The following RALGPS1 variants were observed in gnomAD, a reference collection of about 807,000 sequenced individuals.
RALGPS1 encodes the protein ras-specific guanine nucleotide-releasing factor RalGPS1.
Under a neutral mutation model 78.8 loss-of-function variants are expected in RALGPS1, and 19 were observed. The observed-to-expected ratio is 0.24, with a 90% CI of 0.17 to 0.35. RALGPS1 has a LOEUF of 0.35. RALGPS1 is among the 10% of genes least tolerant of loss of function. The pLI, the probability that RALGPS1 is intolerant of heterozygous loss-of-function variation, is 1.00. For synonymous variants in RALGPS1, 228 were observed against 256.3 expected (o/e 0.89, Z 1.06); for missense variants, 454 against 688.3 (o/e 0.66, Z 3.81).
chr9:127,074,786 CA>C (rs2050532351), intron 8 of RALGPS1, among the ~76,000 whole-genome samples: 1 of 152,228 alleles, frequency 6.6e-6, no homozygotes, highest in African/African-American at 2.4e-5. Flanking sequence ...GGACTGGGCC[CA>C]GATGGCCTGG....
At chr9:127,121,544 G>C (rs527317489) in intron 8 of RALGPS1, among the ~76,000 whole-genome samples, 6 of 152,364 alleles carry the variant, frequency 3.9e-5, no homozygotes, top group Admixed American at 1.3e-4. Context: ...ACATATCATA[G>C]AAGGAGAAGG....
chr9:126,934,718 C>G (rs913480834), intron 1 of RALGPS1, among the ~76,000 whole-genome samples: 1 of 152,036 alleles, frequency 6.6e-6, no homozygotes, highest in Non-Finnish European at 1.5e-5. Context: ...TTTTTGCTAC[C>G]CTGTCATGCT....
chr9:127,198,686 T>C (rs2061464411), intron 13 of RALGPS1, among the ~76,000 whole-genome samples: 1 of 152,202 alleles, frequency 6.6e-6, no homozygotes, highest in South Asian at 2.1e-4. Context: ...TGGCTTCACT[T>C]GGGCCAGAAG....
At chr9:127,178,592 T>C (rs1244684770) in intron 11 of RALGPS1, 47 of 676,648 alleles carry the variant, frequency 6.9e-5, no homozygotes, top group Non-Finnish European at 8.4e-5. Flanking sequence ...GGAAGCCTTC[T>C]CCCCACTATC....
At chr9:126,942,171 C>T (rs1240956878) in intron 1 of RALGPS1, among the ~76,000 whole-genome samples, 1 of 152,152 alleles carries the variant, frequency 6.6e-6, no homozygotes, top group African/African-American at 2.4e-5. Context: ...ACACCCTTTT[C>T]CCAGTTTATT....
At chr9:127,092,702 G>A (rs2052628494) in intron 8 of RALGPS1, among the ~76,000 whole-genome samples, 1 of 152,128 alleles carries the variant, frequency 6.6e-6, no homozygotes, top group South Asian at 2.1e-4. Flanking sequence ...GAATGCCTGA[G>A]GGTGAACCAG....
chr9:127,196,607 G>T lies in RALGPS1; in HGVS notation c.1171G>T (p.Ala391Ser), dbSNP rs2061359963. Residue 391 changes from alanine to serine, a missense_variant, in exon 13 of 19, where the codon GCT (alanine) becomes TCT (serine). Transcript: ENST00000259351. Reference sequence around the variant, plus strand: ...GGGCCTGGCTCTGACCTCCTCCTCTGCTGTCACCAATGGACTCTCCCTAGG... The same window carrying T: ...GGGCCTGGCTCTGACCTCCTCCTCTTCTGTCACCAATGGACTCTCCCTAGG... Reference protein sequence around the residue: ...RRGLALTSSSAVTNGLSLGSS... With the variant: ...RRGLALTSSSSVTNGLSLGSS... The T allele has an allele frequency of 9.9e-6, 16 of 1,609,576 alleles. No homozygotes were observed. Among genetic ancestry groups the T allele is most frequent in the Non-Finnish European group, 1.4e-5 (16 of 1,177,644 alleles).
At chr9:127,002,724 A>G (rs1213958995) in intron 4 of RALGPS1, among the ~76,000 whole-genome samples, 4 of 151,314 alleles carry the variant, frequency 2.6e-5, no homozygotes, top group Non-Finnish European at 5.9e-5. Flanking sequence ...GCGATAGTTT[A>G]CTGAGAATGA....
intron 18 of RALGPS1, chr9:127,216,831 T>A (rs2062609231): frequency 1.5e-6 from 2 of 1,356,816 alleles, no homozygotes; most frequent in Non-Finnish European, 1.9e-6. Flanking sequence ...ACCATGTGTG[T>A]CTGGGGTCCC....
chr9:126,950,093 T>G (rs1393932858), intron 1 of RALGPS1, among the ~76,000 whole-genome samples: 4 of 152,186 alleles, frequency 2.6e-5, no homozygotes, highest in African/African-American at 9.6e-5. Context: ...TTGCTTGTTT[T>G]TCTCAGGTTT....
intron 4 of RALGPS1, among the ~76,000 whole-genome samples, chr9:126,992,817 G>A (rs2133256093): frequency 6.6e-6 from 1 of 152,320 alleles, no homozygotes; most frequent in South Asian, 2.1e-4. Flanking sequence ...ATGCCTCTGT[G>A]AATAATGACA....
At chr9:127,140,467 C>A (rs1487276205) in intron 8 of RALGPS1, among the ~76,000 whole-genome samples, 1 of 152,228 alleles carries the variant, frequency 6.6e-6, no homozygotes, top group Non-Finnish European at 1.5e-5. Flanking sequence ...GAGACAGTGC[C>A]TTGGTGCCCA....
rs537205294 is a variant in RALGPS1, at chr9:127,199,139, G to C, written c.1247+73G>C. ...GCTGAGGGAGCCGAAGACAGGCCCC[G>C]GGCAGGGACGGGCCCTGCCCCACCC... On this transcript the variant is annotated intron_variant, in intron 14 of 18. Transcript: ENST00000259351. 1.1e-5 allele frequency: 16 copies of C among 1,406,504 alleles called. No individual in the cohort carries two copies. The East Asian group carries it at 3.2e-4, about 28-fold the overall frequency. 87.1% of individuals were successfully genotyped at this position (1,406,504 alleles called of 1,614,324 possible).
chr9:127,127,575 G>A lies in RALGPS1; in HGVS notation c.611-38494G>A, dbSNP rs111464851. On this transcript the variant is annotated intron_variant, in intron 8 of 18. Transcript: ENST00000259351. The stretch of plus-strand genomic sequence containing the variant: ...CAAGATCCCAGGTTGGTACATCTCA[G>A]TGTACCACCTGAGCACTAGAAGGTG... 2.3e-3 allele frequency among the ~76,000 whole-genome samples: 348 copies of A among 152,282 alleles called. 1 individual carries two copies. The highest frequency in any genetic ancestry group is 7.7e-3 in the African/African-American group (320 of 41,552).
chr9:127,006,386 C>T (rs2043844104), intron 4 of RALGPS1, among the ~76,000 whole-genome samples: 1 of 152,226 alleles, frequency 6.6e-6, no homozygotes, highest in Non-Finnish European at 1.5e-5. Flanking sequence ...CTGACATTCA[C>T]TGACTCTTGT....
intron 1 of RALGPS1, among the ~76,000 whole-genome samples, chr9:126,961,990 A>G (rs778749178): frequency 7.9e-5 from 12 of 152,224 alleles, no homozygotes; most frequent in Non-Finnish European, 1.5e-4. Context: ...GCAGAATTCT[A>G]TGTGAAATCT....
intron 8 of RALGPS1, among the ~76,000 whole-genome samples, chr9:127,155,458 G>C (rs2058659180): frequency 6.6e-6 from 1 of 152,190 alleles, no homozygotes; most frequent in Non-Finnish European, 1.5e-5. Flanking sequence ...GCATGAGACA[G>C]AGGGCACATC....
At chr9:127,092,160 C>T (rs2052566869) in intron 8 of RALGPS1, among the ~76,000 whole-genome samples, 1 of 152,238 alleles carries the variant, frequency 6.6e-6, no homozygotes, top group South Asian at 2.1e-4. Flanking sequence ...ATCATGTGAA[C>T]CCCAGATTCC....
chr9:127,130,758 T>G (rs574420994), intron 8 of RALGPS1, among the ~76,000 whole-genome samples: 3 of 152,226 alleles, frequency 2.0e-5, no homozygotes, highest in Non-Finnish European at 4.4e-5. Flanking sequence ...ATGAAGAAAC[T>G]GAGGCTCAAG....
Sources: allele counts gnomAD v4.1 joint callset (sites outside exome capture counted in the v4.1 genomes callset), GRCh38; gene constraint gnomAD v4.1.1; transcripts MANE v1.5; gene names NCBI Gene and HGNC (gene_info 2026-07-23, HGNC 2026-07-21).